The following SORBS2 variants were observed in gnomAD, a reference collection of about 807,000 sequenced individuals.
SORBS2 encodes sorbin and SH3 domain containing 2.
In SORBS2, 46 loss-of-function variants were observed where a neutral mutation model predicts 97.7. The observed-to-expected ratio is 0.47, with a 90% CI of 0.37 to 0.60. SORBS2 has a LOEUF of 0.60. Ranked by LOEUF, SORBS2 falls within the 20% of genes least tolerant of loss-of-function variation. The pLI is 0.00. For missense variants in SORBS2, 1,316 were observed against 1,282.3 expected (o/e 1.03, Z -0.40); for synonymous variants, 476 against 473.4 (o/e 1.01, Z -0.07).
At chr4:185,875,181 A>T (rs892920592) in intron 1 of SORBS2, among the ~76,000 whole-genome samples, 8 of 152,210 alleles carry the variant, frequency 5.3e-5, no homozygotes, top group African/African-American at 1.9e-4. Flanking sequence ...TAAATGCAAG[A>T]TATCTATTGG....
rs78217906 is a variant in SORBS2, at chr4:185,860,260, T to C, written c.-337-84894A>G. 9.7e-3 allele frequency among the ~76,000 whole-genome samples: 1,483 copies of C among 152,276 alleles called. 19 individuals are homozygous for C. Among genetic ancestry groups the C allele is most frequent in the African/African-American group, 0.031 (1,304 of 41,538 alleles). On this transcript the variant is annotated intron_variant, in intron 1 of 20. Coordinates refer to the SORBS2 transcript ENST00000284776. ...TACTGGATGAATAAGGTTGATATGG[T>C]TTTTCTTCCTAACAAGCTTGCATTC... is the stretch of plus-strand genomic sequence containing the variant.
intron 2 of SORBS2, among the ~76,000 whole-genome samples, chr4:185,724,646 G>T (rs943375641): frequency 1.1e-4 from 17 of 152,080 alleles, no homozygotes; most frequent in Non-Finnish European, 5.9e-5. Context: ...TGACCTCAAG[G>T]CCACCCCATG....
chr4:185,791,386 G>A (rs532790639), intron 1 of SORBS2, among the ~76,000 whole-genome samples: 1 of 152,210 alleles, frequency 6.6e-6, no homozygotes, highest in South Asian at 2.1e-4. Flanking sequence ...CTTGGGTGTG[G>A]AAGGTCCAGG....
At chr4:185,917,941 C>T (rs777504190) in intron 1 of SORBS2, among the ~76,000 whole-genome samples, 4 of 152,102 alleles carry the variant, frequency 2.6e-5, no homozygotes, top group East Asian at 1.9e-4. Context: ...AACGATAGAA[C>T]GGGTCAAGAC....
intron 2 of SORBS2, among the ~76,000 whole-genome samples, chr4:185,700,291 G>T (rs2098242044): frequency 6.6e-6 from 1 of 151,450 alleles, no homozygotes; most frequent in Non-Finnish European, 1.5e-5. Flanking sequence ...GTGTCCACAT[G>T]AGTCTGTGCG....
At chr4:185,775,149 A>G (rs1244912971) in intron 2 of SORBS2, 78 bp downstream of exon 2, 3 of 152,586 alleles carry the variant, frequency 2.0e-5, no homozygotes, top group Non-Finnish European at 2.9e-5. Flanking sequence ...TATTTTCACT[A>G]TAAGTAAGTT....
chr4:185,623,292 T>C lies in SORBS2; in HGVS notation c.1837A>G (p.Lys613Glu). 6.2e-7 allele frequency: 1 copy of C among 1,614,154 alleles called. No individual in the cohort carries two copies. Among genetic ancestry groups the C allele is most frequent in the Non-Finnish European group, 8.5e-7 (1 of 1,180,040 alleles). ...TGTTTCTTAGGAGCCGAATTTTTTT[T>C]CCTCCGGAAAGGCACAGGACTGACT... The change falls in exon 7 of 15, where the codon AAA becomes GAA. Residue 613 changes from lysine to glutamate, a missense_variant. Transcript: ENST00000418609. This position sits in a 1 kb window ranked among gnomAD's most constrained non-coding sequence, Gnocchi z 6.4.
intron 1 of SORBS2, among the ~76,000 whole-genome samples, chr4:185,908,719 G>T (rs928200706): frequency 6.6e-6 from 1 of 151,816 alleles, no homozygotes; most frequent in African/African-American, 2.4e-5. Context: ...AAAACTTTTA[G>T]AGCAAAGGAG....
chr4:185,897,532 A>G (rs1309957477), intron 1 of SORBS2, among the ~76,000 whole-genome samples: 5 of 152,164 alleles, frequency 3.3e-5, no homozygotes, highest in African/African-American at 9.7e-5. Flanking sequence ...CATTAAGAAA[A>G]TTTGTACATC....
intron 1 of SORBS2, among the ~76,000 whole-genome samples, chr4:185,798,088 C>T (rs1197583068): frequency 2.6e-5 from 4 of 152,118 alleles, no homozygotes; most frequent in Admixed American, 6.5e-5. Context: ...CAGAGGTGCA[C>T]GGTGTGTGCC....
At chr4:185,841,010 C>T (rs2099211165) in intron 1 of SORBS2, among the ~76,000 whole-genome samples, 2 of 152,138 alleles carry the variant, frequency 1.3e-5, no homozygotes, top group Admixed American at 6.5e-5. Flanking sequence ...AAAAAATAAG[C>T]AAGTCAGGTG....
At chr4:185,813,807 C>G (rs779029043) in intron 1 of SORBS2, among the ~76,000 whole-genome samples, 1 of 152,202 alleles carries the variant, frequency 6.6e-6, no homozygotes, top group Non-Finnish European at 1.5e-5. Flanking sequence ...TTCTGCGACT[C>G]CCCTGTACCG....
At chr4:185,788,682 G>T (rs76915693) in intron 1 of SORBS2, among the ~76,000 whole-genome samples, 13,343 of 152,224 alleles carry the variant, frequency 0.088, 620 homozygotes, top group South Asian at 0.14. Context: ...TACCTGCAAA[G>T]ACAGAGAAAG....
intron 1 of SORBS2, among the ~76,000 whole-genome samples, chr4:185,954,916 C>A (rs2099278904): frequency 6.6e-6 from 1 of 152,182 alleles, no homozygotes; most frequent in African/African-American, 2.4e-5. Flanking sequence ...CTTGCCATTG[C>A]ATTCCAGCCT....
intron 1 of SORBS2, among the ~76,000 whole-genome samples, chr4:185,813,393 G>C (rs111630509): frequency 1.6e-3 from 244 of 152,274 alleles, no homozygotes; most frequent in African/African-American, 5.7e-3. Flanking sequence ...ACATTAGGTA[G>C]GTCTGAGCCA....
At position 185,772,769 on chromosome 4, in the gene SORBS2, T is replaced by A. The variant is rs577682662; in HGVS notation, c.-198+2458A>T. On this transcript the variant is annotated intron_variant, in intron 2 of 20. Transcript: ENST00000284776. ...GCCCTCATGAAACTATAGTAGAAGA[T>A]GCGGAAATAGGACTGTCCCTGTTCA... The A allele has an allele frequency of 5.9e-5, 9 of 152,296 alleles. No homozygotes were observed. The South Asian group carries it at 1.9e-3, about 32-fold the overall frequency. 9.4% of individuals were successfully genotyped at this position (152,296 alleles called of 1,614,324 possible).
chr4:185,645,100 C>T (rs955194441), intron 4 of SORBS2, among the ~76,000 whole-genome samples: 9 of 152,128 alleles, frequency 5.9e-5, no homozygotes, highest in African/African-American at 1.9e-4. Context: ...ATAGAAACAT[C>T]GTGGTGGGAG....
rs1279469463 is a variant in SORBS2 at position 185,929,063 on chromosome 4, A to T, written c.-338+27133T>A. Among the ~76,000 whole-genome samples the T allele has an allele frequency of 4.6e-5, 7 of 152,354 alleles. No homozygotes were observed. The South Asian group carries it at 1.2e-3, about 27-fold the overall frequency. ...CCTGGTTTATCACAATTATAGTGAT[A>T]TTCCTTTAAACTAAACATTTGGATG... On this transcript the variant is annotated intron_variant, in intron 1 of 20. Coordinates refer to the SORBS2 transcript ENST00000284776.
intron 5 of SORBS2, among the ~76,000 whole-genome samples, 191 bp downstream of exon 17, chr4:185,630,358 A>AT (rs1377452603): frequency 6.6e-6 from 1 of 152,184 alleles, no homozygotes; most frequent in Admixed American, 6.5e-5. Flanking sequence ...TAGTTCACTA[A>AT]TTTTTTAGAA....
Sources: gnomAD v4.1 joint callset for allele counts (sites outside exome capture counted in the v4.1 genomes callset) on GRCh38, gnomAD v4.1.1 for gene constraint, Gnocchi (gnomAD v3.1) non-coding constraint, MANE v1.5 for transcripts, NCBI Gene and HGNC (gene_info 2026-07-23, HGNC 2026-07-21) for gene names.